Variants in SHOC1 observed in about 807,000 individuals in gnomAD.
The protein encoded by SHOC1 is shortage in chiasmata 1.
In SHOC1, 136 loss-of-function variants were observed where a neutral mutation model predicts 179.2. The ratio of observed to expected loss-of-function variants is 0.76; its 90% CI spans 0.66 to 0.87. The LOEUF is 0.87. Ranked by LOEUF, SHOC1 falls within the 40% of genes least tolerant of loss-of-function variation. SHOC1 has a pLI of 0.00. For missense variants in SHOC1, 1,538 were observed against 1,700.8 expected (o/e 0.90, Z 1.68); for synonymous variants, 489 against 586.6 (o/e 0.83, Z 2.41).
At chr9:111,702,763 A>G (rs1313831148) in intron 22 of SHOC1, among the ~76,000 whole-genome samples, 1 of 152,194 alleles carries the variant, frequency 6.6e-6, no homozygotes, top group Non-Finnish European at 1.5e-5. Flanking sequence ...TTGATACATT[A>G]AGGAATTCAA....
At chr9:111,775,715 A>G in intron 5 of SHOC1, 76 bp downstream of exon 5, 2 of 1,333,654 alleles carry the variant, frequency 1.5e-6, no homozygotes, top group Non-Finnish European at 1.0e-6. Flanking sequence ...ATTCAACTCA[A>G]ACAAAAAACT....
intron 9 of SHOC1, among the ~76,000 whole-genome samples, chr9:111,747,011 GA>G (rs979652156): frequency 1.5e-4 from 23 of 151,868 alleles, no homozygotes; most frequent in Middle Eastern, 3.4e-3. Flanking sequence ...TCCAAAGAAA[GA>G]AAAAAATTAT....
At chr9:111,718,844 C>G (rs1832915158) in intron 15 of SHOC1, among the ~76,000 whole-genome samples, 1 of 152,054 alleles carries the variant, frequency 6.6e-6, no homozygotes, top group African/African-American at 2.4e-5. Context: ...CCATTTAGTT[C>G]CAGAGCTTTT....
At chr9:111,711,749 T>C (rs1832560161) in intron 18 of SHOC1, among the ~76,000 whole-genome samples, 1 of 152,126 alleles carries the variant, frequency 6.6e-6, no homozygotes, top group Non-Finnish European at 1.5e-5. Context: ...ACTAAGAATA[T>C]ATAAAAAGAT....
chr9:111,715,963 GA>G (rs1832765725), intron 16 of SHOC1, among the ~76,000 whole-genome samples: 1 of 151,578 alleles, frequency 6.6e-6, no homozygotes, highest in African/African-American at 2.4e-5. Context: ...GAAGCTAGGA[GA>G]AAACACAGAA....
At chr9:111,725,381 G>T (rs1833253126) in intron 13 of SHOC1, among the ~76,000 whole-genome samples, 1 of 152,126 alleles carries the variant, frequency 6.6e-6, no homozygotes, top group African/African-American at 2.4e-5. Flanking sequence ...TCTATTAAAG[G>T]CTAAGTTGGG....
At chr9:111,727,120 T>C (rs1422105604) in intron 13 of SHOC1, among the ~76,000 whole-genome samples, 2 of 151,984 alleles carry the variant, frequency 1.3e-5, no homozygotes, top group Non-Finnish European at 2.9e-5. Flanking sequence ...TAAAATGATA[T>C]GACACATTAT....
chr9:111,706,848 A>C, intron 19 of SHOC1, 102 bp from the exon 20 acceptor site: 1 of 709,564 alleles, frequency 1.4e-6, no homozygotes, highest in Non-Finnish European at 2.1e-6. Context: ...TCCTTCTCTA[A>C]TCTATGCCTC....
intron 13 of SHOC1, among the ~76,000 whole-genome samples, chr9:111,726,296 T>C (rs1021254290): frequency 3.3e-5 from 5 of 152,160 alleles, no homozygotes; most frequent in African/African-American, 1.2e-4. Flanking sequence ...ATTTTTACCA[T>C]GAGAAATGCA....
At position 111,686,706 on chromosome 9, in the gene SHOC1, T is replaced by C; in HGVS notation, c.*64A>G. The C allele has an allele frequency of 9.9e-7, 1 of 1,005,868 alleles. No homozygotes were observed. Among genetic ancestry groups the C allele is most frequent in the East Asian group, 2.4e-5 (1 of 41,528 alleles). 62.3% of individuals were successfully genotyped at this position (1,005,868 alleles called of 1,614,324 possible). On this transcript the variant is annotated 3_prime_UTR_variant, in exon 28 of 28. Transcript: ENST00000682961. The stretch of plus-strand genomic sequence containing the variant: ...TTAGTGTATGAGCAAATCTAAATAA[T>C]TGCGCTAGTGGATTAGCATCAAAAA...
At chr9:111,768,458 A>C (rs1306618279) in intron 5 of SHOC1, among the ~76,000 whole-genome samples, 1 of 152,126 alleles carries the variant, frequency 6.6e-6, no homozygotes, top group East Asian at 1.9e-4. Flanking sequence ...ACCTCAGGTG[A>C]TCCACCCACC....
At chr9:111,698,910 T>C (rs1831832236) in intron 24 of SHOC1, among the ~76,000 whole-genome samples, 1 of 152,120 alleles carries the variant, frequency 6.6e-6, no homozygotes, top group Admixed American at 6.6e-5. Flanking sequence ...TGGGAAGCTA[T>C]GGACAGTCTT....
rs1831466917 is a variant in SHOC1 at position 111,692,112 on chromosome 9, C to G, written c.3865G>C (p.Asp1289His). The change falls in exon 27 of 28, where the codon GAT (aspartate) becomes CAT (histidine). Residue 1289 changes from aspartate to histidine, a missense_variant. Asp to His is a moderately conservative substitution (Grantham distance 81). Coordinates refer to ENST00000682961, the MANE Select transcript of SHOC1 (RefSeq NM_001378211.1). ...AAAGAAAAGACATCTGACTCTGAAT[C>G]ACTGTGGTTTAGAAAGGAGTTATAA... The part of the protein sequence containing the change: ...PAYNSFLNHS[D>H]SESDVFSLGL... 1.2e-6 allele frequency: 2 copies of G among 1,613,688 alleles called. 1 individual carries two copies. Among genetic ancestry groups the G allele is most frequent in the South Asian group, 2.2e-5 (2 of 91,044 alleles).
In SHOC1 at chr9:111,707,908, G is replaced by T; in HGVS notation, c.2505C>A (p.Val835=). The T allele has an allele frequency of 6.3e-7, 1 of 1,578,502 alleles. No individual in the cohort carries two copies. Among genetic ancestry groups the T allele is most frequent in the South Asian group, 1.2e-5 (1 of 84,474 alleles). ...AATCTTTTCTTTCATTTGAATGAAG[G>T]ACAGTCAGTGTTAAACCTGTTGGAA... The part of the protein sequence containing the change: ...LNKIEGLTLT[V]LHSNERKDFL... Residue 835 remains valine (V), a synonymous_variant, in exon 19 of 28, where the codon GTC becomes GTA. Transcript: ENST00000682961.
intron 27 of SHOC1, among the ~76,000 whole-genome samples, chr9:111,690,270 A>C (rs1831369174): frequency 6.6e-6 from 1 of 152,114 alleles, no homozygotes; most frequent in Admixed American, 6.5e-5. Context: ...CTAAAAATAG[A>C]AATGAATTAG....
chr9:111,767,414 T>C (rs1263409011), intron 5 of SHOC1, among the ~76,000 whole-genome samples: 1 of 152,158 alleles, frequency 6.6e-6, no homozygotes, highest in East Asian at 1.9e-4. Context: ...CATATAGTCT[T>C]CTAGTTTTCC....
At chr9:111,762,961 A>T (rs1242545784) in intron 5 of SHOC1, among the ~76,000 whole-genome samples, 5 of 152,124 alleles carry the variant, frequency 3.3e-5, no homozygotes, top group Admixed American at 3.3e-4. Context: ...TGGAATTACT[A>T]TGACAGTTTA....
intron 18 of SHOC1, among the ~76,000 whole-genome samples, chr9:111,710,839 G>A (rs16916324): frequency 0.039 from 5,903 of 152,184 alleles, 173 homozygotes; most frequent in Middle Eastern, 0.12. Flanking sequence ...AGGTATAAAG[G>A]CATAGAGATA....
chr9:111,690,331 T>A (rs1564099702), intron 27 of SHOC1, among the ~76,000 whole-genome samples: 1 of 152,018 alleles, frequency 6.6e-6, no homozygotes, highest in South Asian at 2.1e-4. Context: ...GAGGCTAAGA[T>A]GGGAGGATCG....
Sources: allele counts gnomAD v4.1 joint callset (sites outside exome capture counted in the v4.1 genomes callset), GRCh38; gene constraint gnomAD v4.1.1; transcripts MANE v1.5; gene names NCBI Gene and HGNC (gene_info 2026-07-23, HGNC 2026-07-21).